The following PCDHGB6 variants were observed in gnomAD, a reference collection of about 807,000 sequenced individuals.
PCDHGB6 encodes protocadherin gamma subfamily B, 6, also known as protocadherin gamma-B6.
Under a neutral mutation model 59.1 loss-of-function variants are expected in PCDHGB6, and 51 were observed. The ratio of observed to expected loss-of-function variants is 0.86; its 90% CI spans 0.69 to 1.09. The LOEUF is 1.09. PCDHGB6 is among the 50% of genes least tolerant of loss of function. PCDHGB6 has a pLI of 0.00. For synonymous variants in PCDHGB6, 466 were observed against 495.1 expected (o/e 0.94, Z 0.78); for missense variants, 1,148 against 1,205.1 (o/e 0.95, Z 0.70).
chr5:141,505,705 GAA>G (rs1250788277), intron 3 of PCDHGB6, among the ~76,000 whole-genome samples: 1 of 152,198 alleles, frequency 6.6e-6, no homozygotes, highest in Non-Finnish European at 1.5e-5. Flanking sequence ...AGCGAACAAG[GAA>G]AAGACTCATG....
intron 1 of PCDHGB6, chr5:141,411,852 C>G (rs992038456): frequency 1.3e-5 from 2 of 151,222 alleles, no homozygotes; most frequent in East Asian, 1.9e-4. Context: ...AGAGTGAGAC[C>G]CTGTCTCAAA....
chr5:141,497,396 C>T (rs2099776233), intron 2 of PCDHGB6, among the ~76,000 whole-genome samples: 1 of 152,116 alleles, frequency 6.6e-6, no homozygotes, highest in Middle Eastern at 3.2e-3. Flanking sequence ...CTTACCCCTG[C>T]CTCAACTCCC....
Position 141,490,672 on chromosome 5 carries a change from G to T in PCDHGB6, c.2419-4135G>T. The T allele has an allele frequency of 6.2e-7, 1 of 1,614,114 alleles. No homozygotes were observed. Among genetic ancestry groups the T allele is most frequent in the Non-Finnish European group, 8.5e-7 (1 of 1,179,996 alleles). ...GGGCTCCCTTCTTTGCACTGTGGCT[G>T]CCTCAGATCCAGACACTGGGGATAA... On this transcript the variant is annotated intron_variant, in intron 1 of 3. Coordinates refer to ENST00000520790, the MANE Select transcript of PCDHGB6 (RefSeq NM_018926.3). The surrounding 1 kb of genome is among the most constrained non-coding windows in gnomAD (Gnocchi z 5.4).
rs2096663485 is a variant in PCDHGB6, at chr5:141,422,674, A to G, written c.2418+12054A>G. 3 of 1,606,698 alleles carry G rather than the reference A, an allele frequency of 1.9e-6. No individual in the cohort carries two copies. The East Asian group carries it at 6.7e-5, about 36-fold the overall frequency. On this transcript the variant is annotated intron_variant, in intron 1 of 3. Transcript: ENST00000520790. ...AGTGACCGCCCTCGACCCGGACAGC[A>G]AACAGAATGCCCTGGTCACTTACTC...
At position 141,511,393 on chromosome 5, in the gene PCDHGB6, C is replaced by G. The variant is rs1257680621; in HGVS notation, c.*220C>G. The G allele has an allele frequency of 2.8e-6, 3 of 1,067,816 alleles. No individual in the cohort carries two copies. The highest frequency in any genetic ancestry group is 3.9e-6 in the Non-Finnish European group (3 of 764,518). The allele number at this position is 1,067,816 out of a possible 1,614,324, so 66.1% of individuals were successfully genotyped here. A position where few individuals can be genotyped will look rare whatever the true frequency, so the allele number is the denominator to read the frequency against. On this transcript the variant is annotated 3_prime_UTR_variant, in exon 4 of 4. Coordinates refer to ENST00000520790, the MANE Select transcript of PCDHGB6 (RefSeq NM_018926.3). ...CAAAAGCAGTTCCGCTGGGAACCCC[C>G]ATCCAATCAACTGCTGTACCCATGG...
intron 1 of PCDHGB6, among the ~76,000 whole-genome samples, chr5:141,451,873 C>A (rs1425706652): frequency 1.3e-5 from 2 of 151,830 alleles, no homozygotes; most frequent in East Asian, 3.9e-4. Context: ...AGAATGAAAC[C>A]CTGTCAAGAA....
chr5:141,439,800 T>C (rs1393580217), intron 1 of PCDHGB6: 1 of 152,300 alleles, frequency 6.6e-6, no homozygotes, highest in Admixed American at 6.5e-5. Context: ...CAAGAAGAGT[T>C]TGAAAAGGGG....
At chr5:141,494,976 G>A in intron 2 of PCDHGB6, 111 bp downstream of exon 2, 1 of 1,575,636 alleles carries the variant, frequency 6.3e-7, no homozygotes. Flanking sequence ...TTCTCCCTCA[G>A]TTTGAGATCC....
intron 1 of PCDHGB6, among the ~76,000 whole-genome samples, chr5:141,465,360 C>T (rs1238387777): frequency 6.6e-6 from 1 of 151,940 alleles, no homozygotes; most frequent in Non-Finnish European, 1.5e-5. Context: ...AAAATGGGTG[C>T]CCTTTAAAGT....
In PCDHGB6 at chr5:141,414,973, A is replaced by G. The variant is rs533056439; in HGVS notation, c.2418+4353A>G. 1.9e-5 allele frequency: 30 copies of G among 1,613,870 alleles called. No homozygotes were observed. The African/African-American group carries it at 3.7e-4, about 20-fold the overall frequency. Reference sequence around the variant, plus strand: ...GGTGACCAAGGTGGTGGCGGTGGACAGAGACTCCGGCCAGAACGCCTGGCT... The same window carrying G: ...GGTGACCAAGGTGGTGGCGGTGGACGGAGACTCCGGCCAGAACGCCTGGCT... On this transcript the variant is annotated intron_variant, in intron 1 of 3. Transcript: ENST00000520790.
At chr5:141,413,075 A>G (rs1013709122) in intron 1 of PCDHGB6, 4 of 1,246,610 alleles carry the variant, frequency 3.2e-6, no homozygotes, top group South Asian at 3.1e-5. Context: ...TAAAGTGCCC[A>G]GGCTACAGAG....
chr5:141,486,137 G>A lies in PCDHGB6; in HGVS notation c.2419-8670G>A, dbSNP rs1187526031. 1 of 1,614,074 alleles carries A rather than the reference G, an allele frequency of 6.2e-7. No individual in the cohort carries two copies. On this transcript the variant is annotated intron_variant, in intron 1 of 3. Coordinates refer to ENST00000520790, the MANE Select transcript of PCDHGB6 (RefSeq NM_018926.3). The surrounding 1 kb of genome is among the most constrained non-coding windows in gnomAD (Gnocchi z 5.0). ...GAATTACTATGAATTTGATGTGCGGGCTCGCGATGGGGGTTCTCCAGCCAT... is the reference window on the plus strand; with the variant it reads ...GAATTACTATGAATTTGATGTGCGGACTCGCGATGGGGGTTCTCCAGCCAT...
At chr5:141,464,227 T>C (rs539811399) in intron 1 of PCDHGB6, among the ~76,000 whole-genome samples, 58 of 147,282 alleles carry the variant, frequency 3.9e-4, no homozygotes, top group Admixed American at 2.5e-3. Flanking sequence ...ATTGCGCCAC[T>C]GCACTCCAGC....
At chr5:141,480,722 C>T (rs1002559431) in intron 1 of PCDHGB6, among the ~76,000 whole-genome samples, 1 of 152,174 alleles carries the variant, frequency 6.6e-6, no homozygotes, top group African/African-American at 2.4e-5. Flanking sequence ...AAAGCACAGT[C>T]TCTGGGGGTG....
At chr5:141,440,275 T>C (rs913705052) in intron 1 of PCDHGB6, 14 of 152,120 alleles carry the variant, frequency 9.2e-5, no homozygotes, top group African/African-American at 3.1e-4. Flanking sequence ...GAGACCAGCC[T>C]GACCAACATA....
chr5:141,470,262 A>C (rs924170384), intron 1 of PCDHGB6, among the ~76,000 whole-genome samples: 2 of 152,126 alleles, frequency 1.3e-5, no homozygotes, highest in African/African-American at 4.8e-5. Context: ...CTAAATGGAG[A>C]TACATGTTTG....
Position 141,490,826 on chromosome 5 carries a change from T to A in PCDHGB6, c.2419-3981T>A, listed in dbSNP as rs1195265146. ...ACCTTTGACTATGAATTGCTGCAGA[T>A]GCTGCAGATTGTGGTGGGGGTTCGA... On this transcript the variant is annotated intron_variant, in intron 1 of 3. Coordinates refer to ENST00000520790, the MANE Select transcript of PCDHGB6 (RefSeq NM_018926.3). The surrounding 1 kb of genome is among the most constrained non-coding windows in gnomAD (Gnocchi z 5.4). 6.2e-7 allele frequency: 1 copy of A among 1,613,736 alleles called. No homozygotes were observed. The highest frequency in any genetic ancestry group is 8.5e-7 in the Non-Finnish European group (1 of 1,179,796).
intron 1 of PCDHGB6, chr5:141,415,056 G>A (rs1367441891): frequency 1.2e-6 from 2 of 1,613,416 alleles, no homozygotes; most frequent in East Asian, 2.2e-5. Context: ...GGGAGCACAC[G>A]GGCGAGGTGC....
chr5:141,432,096 A>G lies in PCDHGB6; in HGVS notation c.2418+21476A>G, dbSNP rs763154183. On this transcript the variant is annotated intron_variant, in intron 1 of 3. Transcript: ENST00000520790. This position sits in a 1 kb window ranked among gnomAD's most constrained non-coding sequence, Gnocchi z 6.0. Reference sequence around the variant, plus strand: ...ATCTCGCTGAACGTGGCAGACACCAACGACAACCCGCCGGTCTTCCCTCAG... The same window carrying G: ...ATCTCGCTGAACGTGGCAGACACCAGCGACAACCCGCCGGTCTTCCCTCAG... The G allele has an allele frequency of 1.9e-6, 3 of 1,613,944 alleles. No homozygotes were observed. Among genetic ancestry groups the G allele is most frequent in the East Asian group, 2.2e-5 (1 of 44,870 alleles).
Sources: gnomAD v4.1 joint callset for allele counts (sites outside exome capture counted in the v4.1 genomes callset) on GRCh38, gnomAD v4.1.1 for gene constraint, Gnocchi (gnomAD v3.1) non-coding constraint, MANE v1.5 for transcripts, NCBI Gene and HGNC (gene_info 2026-07-23, HGNC 2026-07-21) for gene names.